Variants in TPCN1 observed in about 807,000 individuals in gnomAD.
The protein encoded by TPCN1 is two pore channel protein 1.
Under a neutral mutation model 108.8 loss-of-function variants are expected in TPCN1, and 52 were observed. The observed-to-expected ratio is 0.48, with a 90% confidence interval of 0.38 to 0.60. The LOEUF (loss-of-function observed/expected upper bound fraction) is 0.60, where lower values mean the gene tolerates loss of function less well. Ranked by LOEUF, TPCN1 falls within the 20% of genes least tolerant of loss-of-function variation. The pLI, the probability that TPCN1 is intolerant of heterozygous loss-of-function variation, is 0.00. For synonymous variants in TPCN1, 446 were observed against 433.7 expected (o/e 1.03, Z -0.35); for missense variants, 806 against 1,072.8 (o/e 0.75, Z 3.47).
intron 12 of TPCN1, 122 bp downstream of exon 12, chr12:113,277,486 A>G: frequency 8.3e-7 from 1 of 1,201,476 alleles, no homozygotes; most frequent in Non-Finnish European, 1.2e-6. Context: ...GACTTCCTCC[A>G]CAGATGTTTA....
chr12:113,268,488 G>A lies in TPCN1; in HGVS notation c.529-254G>A, dbSNP rs61943612. 0.049 allele frequency among the ~76,000 whole-genome samples: 7,525 copies of A among 152,288 alleles called. 267 individuals are homozygous for A. Among genetic ancestry groups the A allele is most frequent in the Middle Eastern group, 0.068 (20 of 294 alleles). ...GATCGAGGGGTCCTGGCAGAGTGGC[G>A]GTTTTGCCTCCTCAGTGGATACCAG... On this transcript the variant is annotated intron_variant, in intron 5 of 27. Transcript: ENST00000335509. This position sits in a 1 kb window ranked among gnomAD's most constrained non-coding sequence, Gnocchi z 7.3.
chr12:113,279,387 ATATATT>A (rs1955806395), intron 14 of TPCN1, among the ~76,000 whole-genome samples: 1 of 19,650 alleles, frequency 5.1e-5, no homozygotes, highest in African/African-American at 2.9e-4. Context: ...ATATATATAT[ATATATT>A]TTTTTTTTTT....
intron 27 of TPCN1, chr12:113,294,064 G>A (rs1956354083): frequency 2.0e-5 from 3 of 152,252 alleles, no homozygotes; most frequent in African/African-American, 7.2e-5. Context: ...GAGTGCTTGG[G>A]ATTTTTCATA....
intron 2 of TPCN1, among the ~76,000 whole-genome samples, chr12:113,241,070 G>A (rs1238821206): frequency 6.6e-6 from 1 of 152,166 alleles, no homozygotes; most frequent in African/African-American, 2.4e-5. Context: ...ATTCTTTAGG[G>A]TGGCTTCTTG....
chr12:113,259,592 C>G (rs1954948337), intron 2 of TPCN1, among the ~76,000 whole-genome samples: 1 of 152,188 alleles, frequency 6.6e-6, no homozygotes. Context: ...CAAGTTTTCC[C>G]CATGTGGTGG....
At chr12:113,255,858 T>G (rs545089174) in intron 2 of TPCN1, among the ~76,000 whole-genome samples, 5 of 151,936 alleles carry the variant, frequency 3.3e-5, no homozygotes, top group African/African-American at 1.2e-4. Context: ...AGGATCTTGC[T>G]CTGTCACCCA....
chr12:113,244,920 G>A (rs141613879), intron 2 of TPCN1, among the ~76,000 whole-genome samples: 1,650 of 152,222 alleles, frequency 0.011, 14 homozygotes, highest in Middle Eastern at 0.02. Context: ...GAGGATGTGC[G>A]AGGGTGTATG....
At chr12:113,264,361 A>C (rs1423600411) in intron 3 of TPCN1, among the ~76,000 whole-genome samples, 2 of 152,212 alleles carry the variant, frequency 1.3e-5, no homozygotes, top group African/African-American at 4.8e-5. Context: ...TGCAAACTGC[A>C]GGCAGGGCCT....
intron 18 of TPCN1, among the ~76,000 whole-genome samples, chr12:113,286,680 G>A (rs1167740175): frequency 2.0e-5 from 3 of 152,250 alleles, no homozygotes; most frequent in Non-Finnish European, 4.4e-5. Flanking sequence ...GGCCAGGGCT[G>A]CAGAGGCCGG....
chr12:113,270,911 G>T (rs1955472898), intron 7 of TPCN1, among the ~76,000 whole-genome samples: 1 of 152,168 alleles, frequency 6.6e-6, no homozygotes, highest in Admixed American at 6.5e-5. Context: ...GGGATTAGGG[G>T]CAGGGGACAC....
chr12:113,236,340 TGGTGCCTGTA>T (rs1306703958), intron 2 of TPCN1, among the ~76,000 whole-genome samples: 1 of 152,218 alleles, frequency 6.6e-6, no homozygotes, highest in Non-Finnish European at 1.5e-5. Context: ...GTTACCTGCC[TGGTGCCTGTA>T]GGCATTTGAG....
rs546645122 is a variant in TPCN1 at position 113,245,325 on chromosome 12, C to T, written c.113-15043C>T. 2.5e-5 allele frequency among the ~76,000 whole-genome samples: 3 copies of T among 120,946 alleles called. 1 individual carries two copies. The highest frequency in any genetic ancestry group is 7.0e-5 in the African/African-American group (2 of 28,744). 79.3% of individuals were successfully genotyped at this position (120,946 alleles called of 152,430 possible). On this transcript the variant is annotated intron_variant, in intron 2 of 27. Transcript: ENST00000335509. Reference sequence around the variant, plus strand: ...AGAGGTTAGAAAAGGGGGCTGGGCGCGGTGGCTCACGCCTGTAATCCCAGC... The same window carrying T: ...AGAGGTTAGAAAAGGGGGCTGGGCGTGGTGGCTCACGCCTGTAATCCCAGC...
At chr12:113,229,575 G>A (rs766790241) in intron 2 of TPCN1, among the ~76,000 whole-genome samples, 3 of 151,994 alleles carry the variant, frequency 2.0e-5, no homozygotes, top group African/African-American at 7.3e-5. Context: ...TGCAACCTCC[G>A]CCTCCCGTGT....
At position 113,268,033 on chromosome 12, in the gene TPCN1, A is replaced by C; in HGVS notation, c.528+77A>C. On this transcript the variant is annotated intron_variant, in intron 5 of 27. Transcript: ENST00000335509. This position sits in a 1 kb window ranked among gnomAD's most constrained non-coding sequence, Gnocchi z 7.3. ...ACCTTCAAACCTGTCTCTTTGGTAC[A>C]ATTCAGAATCCACCATGGGCCCAGT... The C allele has an allele frequency of 1.9e-6, 2 of 1,064,730 alleles. No individual in the cohort carries two copies. Among genetic ancestry groups the C allele is most frequent in the South Asian group, 1.4e-5 (1 of 73,790 alleles). 66.0% of individuals were successfully genotyped at this position (1,064,730 alleles called of 1,614,324 possible). A position where few individuals can be genotyped will look rare whatever the true frequency, so the allele number is the denominator to read the frequency against.
At chr12:113,238,070 G>T (rs1042684458) in intron 2 of TPCN1, among the ~76,000 whole-genome samples, 1 of 152,152 alleles carries the variant, frequency 6.6e-6, no homozygotes, top group African/African-American at 2.4e-5. Context: ...AGTCTGTTCA[G>T]ATGGCAGCCT....
chr12:113,227,386 G>A (rs142568931), intron 2 of TPCN1, among the ~76,000 whole-genome samples: 1,856 of 152,286 alleles, frequency 0.012, 10 homozygotes, highest in Non-Finnish European at 0.02. Context: ...CACTGCCCGC[G>A]TCTCTTTGCT....
At chr12:113,279,387 A>G (rs1377189643) in intron 14 of TPCN1, among the ~76,000 whole-genome samples, 2 of 19,650 alleles carry the variant, frequency 1.0e-4, no homozygotes, top group Non-Finnish European at 1.5e-4. Context: ...ATATATATAT[A>G]TATATTTTTT....
At position 113,272,685 on chromosome 12, in the gene TPCN1, C is replaced by G. The variant is rs1012055669; in HGVS notation, c.776C>G (p.Ser259Ter). 6.2e-7 allele frequency: 1 copy of G among 1,610,252 alleles called. No individual in the cohort carries two copies. The highest frequency in any genetic ancestry group is 8.5e-7 in the Non-Finnish European group (1 of 1,176,754). Residue 259 changes from serine to a stop codon, truncating the protein, a stop_gained, in exon 8 of 28, where the codon TCA becomes TGA. Coordinates refer to ENST00000335509, the MANE Select transcript of TPCN1 (RefSeq NM_017901.6). LOFTEE classifies it high-confidence loss of function. This position sits in a 1 kb window ranked among gnomAD's most constrained non-coding sequence, Gnocchi z 4.1. ...LGFYLFSPNP[S>*]DPYFSTLENS... Reference sequence around the variant, plus strand: ...TTCTACTTGTTCTCCCCTAACCCTTCAGACCCCGTAAGTAATCAGCACATT... The same window carrying G: ...TTCTACTTGTTCTCCCCTAACCCTTGAGACCCCGTAAGTAATCAGCACATT...
chr12:113,238,745 C>T (rs559588519), intron 2 of TPCN1, among the ~76,000 whole-genome samples: 9 of 152,246 alleles, frequency 5.9e-5, no homozygotes, highest in African/African-American at 1.7e-4. Context: ...TCCCCAGCAC[C>T]GGGATGTGAT....
Sources: allele counts gnomAD v4.1 joint callset (sites outside exome capture counted in the v4.1 genomes callset), GRCh38; gene constraint gnomAD v4.1.1; non-coding constraint Gnocchi (gnomAD v3.1); transcripts MANE v1.5; gene names NCBI Gene and HGNC (gene_info 2026-07-23, HGNC 2026-07-21).